SSR1: variants seen among roughly 807,000 people sequenced by gnomAD.
The protein encoded by SSR1 is signal sequence receptor subunit 1, also known as translocon-associated protein subunit alpha.
Under a neutral mutation model 36.1 loss-of-function variants are expected in SSR1, and 13 were observed. That is an observed-to-expected ratio of 0.36 (90% CI 0.23 to 0.57). SSR1 has a LOEUF of 0.57. SSR1 is among the 20% of genes least tolerant of loss of function. The pLI is 0.81. For synonymous variants in SSR1, 113 were observed against 118.9 expected (o/e 0.95, Z 0.32); for missense variants, 291 against 338.5 (o/e 0.86, Z 1.10).
chr6:7,311,886 A>G lies in SSR1; in HGVS notation c.79+1156T>C, dbSNP rs1758202280. Among the ~76,000 whole-genome samples the G allele has an allele frequency of 2.6e-5, 4 of 152,074 alleles. No homozygotes were observed. In the South Asian group the frequency reaches 8.3e-4, roughly 32 times the overall value. ...TAAATAGTTCTAAAACTAAAACTACATTTGTCAAGTTTTCTTTTAAAAAGC... is the reference window on the plus strand; with the variant it reads ...TAAATAGTTCTAAAACTAAAACTACGTTTGTCAAGTTTTCTTTTAAAAAGC... On this transcript the variant is annotated intron_variant, in intron 1 of 7. Coordinates refer to ENST00000244763, the MANE Select transcript of SSR1 (RefSeq NM_003144.5).
At chr6:7,297,784 G>A in intron 6 of SSR1, 139 bp downstream of exon 6, 2 of 589,930 alleles carry the variant, frequency 3.4e-6, no homozygotes, top group Non-Finnish European at 3.0e-6. Context: ...AAGGCTTCAG[G>A]TTTTATTTTA....
Position 7,290,015 on chromosome 6 carries a change from C to T in SSR1, c.794-84G>A, listed in dbSNP as rs1757647301. On this transcript the variant is annotated intron_variant, in intron 7 of 7. Transcript: ENST00000244763. Reference sequence around the variant, plus strand: ...CATGTTAAAAAGTATTTACCTTCAACTTTACCACTAAGTTACACACACACA... The same window carrying T: ...CATGTTAAAAAGTATTTACCTTCAATTTTACCACTAAGTTACACACACACA... 4.4e-6 allele frequency: 5 copies of T among 1,149,312 alleles called. No homozygotes were observed. The African/African-American group carries it at 8.2e-5, about 19-fold the overall frequency. The allele number at this position is 1,149,312 out of a possible 1,614,324, so 71.2% of individuals were successfully genotyped here.
intron 2 of SSR1, among the ~76,000 whole-genome samples, chr6:7,306,895 C>T (rs191883299): frequency 1.2e-3 from 155 of 127,166 alleles, no homozygotes; most frequent in Middle Eastern, 4.7e-3. Context: ...CCAGCCTGGG[C>T]GACAGAGCGA....
chr6:7,288,229 T>C lies in SSR1; in HGVS notation c.*1635A>G, dbSNP rs1182140868. ...TTCCTTGGGAATGTGAAGGGTCTCC[T>C]ATATTACATTAAACAAAAAACCATG... On this transcript the variant is annotated 3_prime_UTR_variant, in exon 8 of 8. Coordinates refer to ENST00000244763, the MANE Select transcript of SSR1 (RefSeq NM_003144.5). 2.6e-5 allele frequency: 4 copies of C among 152,228 alleles called. No homozygotes were observed. The highest frequency in any genetic ancestry group is 5.9e-5 in the Non-Finnish European group (4 of 68,040). The allele number at this position is 152,228 out of a possible 1,614,324, so 9.4% of individuals were successfully genotyped here. A position where few individuals can be genotyped will look rare whatever the true frequency, so the allele number is the denominator to read the frequency against.
At chr6:7,301,638 C>T in intron 3 of SSR1, 66 bp from the exon 4 acceptor site, 10 of 1,488,372 alleles carry the variant, frequency 6.7e-6, no homozygotes, top group Non-Finnish European at 7.2e-6. Context: ...TTTAAAAAGG[C>T]ATTACTAATG....
At position 7,289,210 on chromosome 6, in the gene SSR1, A is replaced by T. The variant is rs1757621961; in HGVS notation, c.*654T>A. ...GGTAGGATTAGGTTTCATATATTAAAGTCAGCAGAAATTTCATGTTTCACA... is the reference window on the plus strand; with the variant it reads ...GGTAGGATTAGGTTTCATATATTAATGTCAGCAGAAATTTCATGTTTCACA... On this transcript the variant is annotated 3_prime_UTR_variant, in exon 8 of 8. Transcript: ENST00000244763. 3 of 152,282 alleles carry T rather than the reference A, an allele frequency of 2.0e-5. No individual in the cohort carries two copies. Among genetic ancestry groups the T allele is most frequent in the African/African-American group, 4.8e-5 (2 of 41,448 alleles). The allele number at this position is 152,282 out of a possible 1,614,324, so 9.4% of individuals were successfully genotyped here.
intron 2 of SSR1, among the ~76,000 whole-genome samples, chr6:7,305,756 CTGATAGAGTTCAT>C (rs1758039722): frequency 1.4e-5 from 1 of 73,682 alleles, no homozygotes; most frequent in Non-Finnish European, 3.4e-5. Flanking sequence ...AATACAAAAT[CTGATAGAGTTCAT>C]GCTTGATGGC....
intron 4 of SSR1, among the ~76,000 whole-genome samples, chr6:7,299,931 C>A (rs1241655803): frequency 6.6e-6 from 1 of 151,896 alleles, no homozygotes; most frequent in Non-Finnish European, 1.5e-5. Flanking sequence ...ACTTCAAGAT[C>A]CTTCAATTTG....
chr6:7,301,018 C>G (rs932730855), intron 4 of SSR1, among the ~76,000 whole-genome samples: 1 of 152,182 alleles, frequency 6.6e-6, no homozygotes. Flanking sequence ...AGATCCGGCT[C>G]ATAGCTTTAC....
chr6:7,298,048 T>C (rs1757842006), intron 5 of SSR1, 47 bp from the exon 6 acceptor site: 1 of 1,392,710 alleles, frequency 7.2e-7, no homozygotes. Flanking sequence ...TCAGAGGAAA[T>C]ACCACGTCTA....
chr6:7,309,882 C>T (rs748474982), intron 2 of SSR1, 35 bp downstream of exon 2: 2 of 1,440,656 alleles, frequency 1.4e-6, no homozygotes, highest in Non-Finnish European at 2.0e-6. Flanking sequence ...CAATTACATA[C>T]ATTTTACATA....
In SSR1 at chr6:7,295,417, A is replaced by G. The variant is rs1176669483; in HGVS notation, c.768T>C (p.Ile256=). 6.2e-7 allele frequency: 1 copy of G among 1,611,942 alleles called. No individual in the cohort carries two copies. Among genetic ancestry groups the G allele is most frequent in the Non-Finnish European group, 8.5e-7 (1 of 1,179,390 alleles). The change falls in exon 7 of 8, where the codon ATT becomes ATC. Residue 256 remains isoleucine, a synonymous_variant. Coordinates refer to ENST00000244763, the MANE Select transcript of SSR1 (RefSeq NM_003144.5). ...TGATTTGATTCAATGTTTCCTGAGG[A>G]ATCCAACTCATGTCAACATCATTCT... ...SSQNDVDMSW[I]PQETLNQINK... is the part of the protein sequence containing the mutation.
At chr6:7,302,742 C>A (rs1368675958) in intron 3 of SSR1, among the ~76,000 whole-genome samples, 1 of 150,212 alleles carries the variant, frequency 6.7e-6, no homozygotes, top group African/African-American at 2.5e-5. Context: ...AGCCTGGCAA[C>A]AGAGCAAGAC....
In SSR1 at chr6:7,282,366, G is replaced by A. The variant is rs1757443755; in HGVS notation, c.*7498C>T. On this transcript the variant is annotated 3_prime_UTR_variant, in exon 8 of 8. Coordinates refer to ENST00000244763, the MANE Select transcript of SSR1 (RefSeq NM_003144.5). ...AAAAACAGCCAGAGACCGAGAAAAC[G>A]GCGGGAAGGAAAGGTTCCATCTGGA... The A allele has an allele frequency of 6.6e-6, 1 of 152,358 alleles. No individual in the cohort carries two copies. The highest frequency in any genetic ancestry group is 1.5e-5 in the Non-Finnish European group (1 of 68,174). The allele number at this position is 152,358 out of a possible 1,614,324, so 9.4% of individuals were successfully genotyped here.
rs763971926 is a variant in SSR1, at chr6:7,289,883, G to C, written c.842C>G (p.Ser281Ter). Residue 281 changes from serine (S) to a stop codon, truncating the protein, a stop_gained, in exon 8 of 8, where the codon TCA becomes TGA. Coordinates refer to ENST00000244763, the MANE Select transcript of SSR1 (RefSeq NM_003144.5). LOFTEE classifies it high-confidence loss of function. ...RLPRKRAQKR[S>*]VGSDE is the part of the protein sequence containing the mutation. ...GAACATTTACTCATCAGATCCCACT[G>C]ATCTCTTCTGTGCCCGTTTCCTGGG... 3 of 1,558,748 alleles carry C rather than the reference G, an allele frequency of 1.9e-6. No individual in the cohort carries two copies. The highest frequency in any genetic ancestry group is 2.6e-6 in the Non-Finnish European group (3 of 1,161,022).
Position 7,303,558 on chromosome 6 carries a change from T to C in SSR1, c.272A>G (p.Lys91Arg). 1 of 1,609,008 alleles carries C rather than the reference T, an allele frequency of 6.2e-7. No individual in the cohort carries two copies. The highest frequency in any genetic ancestry group is 1.1e-5 in the South Asian group (1 of 90,516). ...TAATACTTCTGTATTACCTTCTCCT[T>C]TTACAAACAGTATAGTTGTATCTGC... is the stretch of plus-strand genomic sequence containing the variant. ...PSADTTILFVKGEDFPANNIV... is the reference protein window; with the variant it reads ...PSADTTILFVRGEDFPANNIV... The change falls in exon 3 of 8, where the codon AAA (lysine) becomes AGA (arginine). Residue 91 changes from lysine to arginine, a missense_variant. Physicochemically the swap from Lys to Arg is conservative, Grantham distance 26. Transcript: ENST00000244763.
In SSR1 at chr6:7,284,440, C is replaced by T. The variant is rs1320434753; in HGVS notation, c.*5424G>A. 1 of 152,176 alleles carries T rather than the reference C, an allele frequency of 6.6e-6. No individual in the cohort carries two copies. The highest frequency in any genetic ancestry group is 2.4e-5 in the African/African-American group (1 of 41,438). 9.4% of individuals were successfully genotyped at this position (152,176 alleles called of 1,614,324 possible). A position where few individuals can be genotyped will look rare whatever the true frequency, so the allele number is the denominator to read the frequency against. On this transcript the variant is annotated 3_prime_UTR_variant, in exon 8 of 8. Coordinates refer to ENST00000244763, the MANE Select transcript of SSR1 (RefSeq NM_003144.5). ...ATGTAGCTTACATATTCAGAATTTA[C>T]CTACTACCCCACCACATCAAAGTCC...
At chr6:7,296,369 A>C (rs1259209741) in intron 6 of SSR1, among the ~76,000 whole-genome samples, 2 of 151,746 alleles carry the variant, frequency 1.3e-5, no homozygotes, top group African/African-American at 2.4e-5. Context: ...ATACAAATTT[A>C]CAGCAAAAAT....
At chr6:7,298,879 CAT>C in intron 4 of SSR1, 56 bp from the exon 5 acceptor site, 2 of 1,375,328 alleles carry the variant, frequency 1.5e-6, no homozygotes, top group South Asian at 1.2e-5. Context: ...GGAAGTAAAA[CAT>C]GTAACATTAC....
Sources: gnomAD v4.1 joint callset for allele counts (sites outside exome capture counted in the v4.1 genomes callset) on GRCh38, gnomAD v4.1.1 for gene constraint, MANE v1.5 for transcripts, NCBI Gene and HGNC (gene_info 2026-07-23, HGNC 2026-07-21) for gene names.